The following ATP8A2 variants were observed in gnomAD, a reference collection of about 807,000 sequenced individuals.
ATP8A2 encodes the protein ATPase phospholipid transporting 8A2, also known as phospholipid-transporting ATPase IB.
A neutral mutation model predicts 165.6 loss-of-function variants in ATP8A2; 100 were observed. The observed-to-expected ratio is 0.60, with a 90% CI of 0.51 to 0.71. The LOEUF is 0.71. ATP8A2 is among the 30% of genes least tolerant of loss of function. ATP8A2 has a pLI of 0.00. For synonymous variants in ATP8A2, 543 were observed against 548.8 expected, an observed-to-expected ratio of 0.99 and a Z score of 0.15; for missense variants, 1,227 against 1,479.5, an observed-to-expected ratio of 0.83 and a Z score of 2.80.
chr13:25,908,992 G>A (rs1389784346), intron 33 of ATP8A2, among the ~76,000 whole-genome samples: 4 of 152,130 alleles, frequency 2.6e-5, no homozygotes, highest in African/African-American at 4.8e-5. Context: ...AAATTGAATC[G>A]TAATATTAAA....
intron 24 of ATP8A2, among the ~76,000 whole-genome samples, chr13:25,674,270 C>CCCCG (rs1167955788): frequency 6.6e-6 from 1 of 152,078 alleles, no homozygotes; most frequent in Non-Finnish European, 1.5e-5. Flanking sequence ...ATGTGTCCCC[C>CCCCG]CCCGAAAACT....
intron 1 of ATP8A2, 134 bp from the exon 2 acceptor site, chr13:25,468,843 A>C: frequency 7.1e-7 from 1 of 1,408,844 alleles, no homozygotes; most frequent in Non-Finnish European, 9.3e-7. Flanking sequence ...GAGCCAAGGT[A>C]CGTAGGCGGC....
At chr13:25,386,039 C>T (rs901785644) in intron 1 of ATP8A2, among the ~76,000 whole-genome samples, 2 of 152,056 alleles carry the variant, frequency 1.3e-5, no homozygotes, top group Middle Eastern at 3.4e-3. Context: ...CCTCAGGCTC[C>T]CAAGTAGCTG....
chr13:25,851,328 T>C (rs2138710344), intron 30 of ATP8A2, among the ~76,000 whole-genome samples: 1 of 152,290 alleles, frequency 6.6e-6, no homozygotes, highest in East Asian at 1.9e-4. Context: ...ACGCCTGTAA[T>C]CCCAGCACTT....
At chr13:25,395,661 G>T (rs1435345588) in intron 1 of ATP8A2, among the ~76,000 whole-genome samples, 1 of 152,056 alleles carries the variant, frequency 6.6e-6, no homozygotes, top group African/African-American at 2.4e-5. Context: ...TCAGTCTATT[G>T]AGTATCTAGA....
chr13:25,557,639 A>G (rs764468026), intron 13 of ATP8A2, among the ~76,000 whole-genome samples: 3 of 152,136 alleles, frequency 2.0e-5, no homozygotes, highest in Non-Finnish European at 2.9e-5. Flanking sequence ...TGTGCCCTAT[A>G]CAGGTCTTTG....
intron 33 of ATP8A2, among the ~76,000 whole-genome samples, chr13:25,943,469 A>G (rs913084225): frequency 1.9e-4 from 29 of 152,300 alleles, no homozygotes; most frequent in African/African-American, 6.3e-4. Context: ...AAAATTCAGT[A>G]CAGGAACATG....
intron 1 of ATP8A2, among the ~76,000 whole-genome samples, chr13:25,428,860 G>T (rs945217213): frequency 2.6e-5 from 4 of 152,264 alleles, no homozygotes; most frequent in Admixed American, 1.3e-4. Context: ...ACAGAGGCGT[G>T]ATGGCCTCTG....
intron 34 of ATP8A2, among the ~76,000 whole-genome samples, chr13:25,963,393 C>CAAAAAAAAAAAA (rs763926807): frequency 4.3e-5 from 5 of 115,382 alleles, no homozygotes; most frequent in Non-Finnish European, 7.4e-5. Flanking sequence ...GACTCCGTCT[C>CAAAAAAAAAAAA]AAAAAAAAAA....
At chr13:25,657,843 A>G (rs2041967542) in intron 24 of ATP8A2, among the ~76,000 whole-genome samples, 1 of 152,254 alleles carries the variant, frequency 6.6e-6, no homozygotes, top group Non-Finnish European at 1.5e-5. Context: ...TAAAATGAGC[A>G]GTTGCTACAA....
intron 29 of ATP8A2, among the ~76,000 whole-genome samples, chr13:25,839,142 T>C: frequency 6.6e-6 from 1 of 152,294 alleles, no homozygotes; most frequent in East Asian, 1.9e-4. Flanking sequence ...AGTTTAATTG[T>C]TAAGAAGAGA....
At chr13:25,429,467 C>T (rs184650766) in intron 1 of ATP8A2, among the ~76,000 whole-genome samples, 4 of 151,998 alleles carry the variant, frequency 2.6e-5, no homozygotes, top group Admixed American at 2.0e-4. Flanking sequence ...CCCCATTCTC[C>T]CCAAGAAGGA....
chr13:26,021,253 C>T lies in ATP8A2; in HGVS notation c.*1268C>T, dbSNP rs897347223. 6.6e-6 allele frequency: 1 copy of T among 152,310 alleles called. No individual in the cohort carries two copies. The highest frequency in any genetic ancestry group is 2.4e-5 in the African/African-American group (1 of 41,454). 9.4% of individuals were successfully genotyped at this position (152,310 alleles called of 1,614,324 possible). A position where few individuals can be genotyped will look rare whatever the true frequency, so the allele number is the denominator to read the frequency against. ...AGAGGAGGACACAGAGGAATCGCCA[C>T]CAGATCTTTGCAGTAGAAACTCTGA... is the stretch of plus-strand genomic sequence containing the variant. On this transcript the variant is annotated 3_prime_UTR_variant, in exon 37 of 37. Coordinates refer to ENST00000381655, the MANE Select transcript of ATP8A2 (RefSeq NM_016529.6).
At chr13:25,529,492 G>T (rs2037960939) in intron 2 of ATP8A2, among the ~76,000 whole-genome samples, 1 of 152,190 alleles carries the variant, frequency 6.6e-6, no homozygotes, top group African/African-American at 2.4e-5. Context: ...GTAAGATTGG[G>T]TGGAAGGAAG....
intron 33 of ATP8A2, among the ~76,000 whole-genome samples, chr13:25,910,929 T>TG (rs1954088013): frequency 6.6e-6 from 1 of 151,868 alleles, no homozygotes; most frequent in Non-Finnish European, 1.5e-5. Context: ...TCTCAATTTT[T>TG]TTTTTTTTTT....
chr13:25,601,158 G>T (rs1222788866), intron 24 of ATP8A2, among the ~76,000 whole-genome samples: 1 of 152,198 alleles, frequency 6.6e-6, no homozygotes, highest in Non-Finnish European at 1.5e-5. Flanking sequence ...CGCTAACAGG[G>T]TGAAACTCCT....
At chr13:25,952,889 T>C (rs1440729923) in intron 33 of ATP8A2, among the ~76,000 whole-genome samples, 6 of 152,144 alleles carry the variant, frequency 3.9e-5, no homozygotes, top group Non-Finnish European at 2.9e-5. Flanking sequence ...AGGTTCATAG[T>C]AAAAAGAGAA....
At chr13:25,742,796 G>T (rs2043945626) in intron 25 of ATP8A2, among the ~76,000 whole-genome samples, 1 of 151,418 alleles carries the variant, frequency 6.6e-6, no homozygotes, top group Non-Finnish European at 1.5e-5. Flanking sequence ...TTTGGGAAAT[G>T]ACCTTTGGCA....
chr13:25,904,766 A>G (rs1402752417), intron 33 of ATP8A2, among the ~76,000 whole-genome samples: 4 of 152,176 alleles, frequency 2.6e-5, no homozygotes, highest in African/African-American at 7.2e-5. Flanking sequence ...ATCCTACACC[A>G]TTGGAGTTCC....
Sources: allele counts gnomAD v4.1 joint callset (sites outside exome capture counted in the v4.1 genomes callset), GRCh38; gene constraint gnomAD v4.1.1; transcripts MANE v1.5; gene names NCBI Gene and HGNC (gene_info 2026-07-23, HGNC 2026-07-21).